The following RBFOX3 variants were observed in gnomAD, a reference collection of about 807,000 sequenced individuals.
The protein encoded by RBFOX3 is RNA binding fox-1 homolog 3.
In RBFOX3, 17 loss-of-function variants were observed where a neutral mutation model predicts 48.7. The ratio of observed to expected loss-of-function variants is 0.35; its 90% CI spans 0.24 to 0.52. The LOEUF (loss-of-function observed/expected upper bound fraction) is 0.52, where lower values mean the gene tolerates loss of function less well. Among genes scored for constraint, RBFOX3 ranks in the 20% least tolerant of loss-of-function variants. The probability of loss-of-function intolerance (pLI) is 0.94; values close to 1 mark genes in which losing one functional copy is unlikely to be tolerated. For synonymous variants in RBFOX3, 212 were observed against 209.5 expected, an observed-to-expected ratio of 1.01 and a Z score of -0.10; for missense variants, 382 against 497.5, an observed-to-expected ratio of 0.77 and a Z score of 2.21.
chr17:79,179,487 A>G (rs912703902), intron 4 of RBFOX3, among the ~76,000 whole-genome samples: 8 of 152,132 alleles, frequency 5.3e-5, no homozygotes, highest in African/African-American at 1.4e-4. Context: ...CGCGTCCCCC[A>G]GGAAGACCCT....
intron 4 of RBFOX3, among the ~76,000 whole-genome samples, chr17:79,167,267 G>C (rs1483339212): frequency 2.0e-5 from 3 of 152,002 alleles, no homozygotes; most frequent in Non-Finnish European, 4.4e-5. Context: ...GGGAGTGCTA[G>C]GCCCCTCTTC....
At chr17:79,544,073 G>C (rs918385179) in intron 1 of RBFOX3, among the ~76,000 whole-genome samples, 1 of 152,202 alleles carries the variant, frequency 6.6e-6, no homozygotes, top group Admixed American at 6.5e-5. Flanking sequence ...CTAAGGAGGA[G>C]GTAAGGCCCA....
At chr17:79,615,070 A>G (rs2093988846), upstream of RBFOX3, among the ~76,000 whole-genome samples, 1 of 152,222 alleles carries the variant, frequency 6.6e-6, no homozygotes, top group Admixed American at 6.5e-5. Flanking sequence ...GAAGAAAAAA[A>G]AAAAATGTTT....
intron 4 of RBFOX3, among the ~76,000 whole-genome samples, chr17:79,184,653 C>T (rs1044989002): frequency 6.6e-6 from 1 of 152,244 alleles, no homozygotes; most frequent in Non-Finnish European, 1.5e-5. Flanking sequence ...TGCCTAACCT[C>T]ACGCCTTCCA....
chr17:79,245,542 C>CCACTCCCG (rs2063041860), intron 3 of RBFOX3, among the ~76,000 whole-genome samples: 1 of 149,176 alleles, frequency 6.7e-6, no homozygotes, highest in African/African-American at 2.6e-5. Flanking sequence ...CCGCTCACCC[C>CCACTCCCG]CTCAGTCCTT....
intron 5 of RBFOX3, 134 bp downstream of exon 5, chr17:79,115,360 C>G (rs2033609539): frequency 2.1e-6 from 1 of 487,588 alleles, no homozygotes; most frequent in Non-Finnish European, 3.3e-6. Flanking sequence ...AAGGCCTGCC[C>G]TCCACACACA....
Position 79,103,214 on chromosome 17 carries a change from T to A in RBFOX3, c.455A>T (p.Asp152Val). 1.3e-6 allele frequency: 2 copies of A among 1,551,270 alleles called. No individual in the cohort carries two copies. Among genetic ancestry groups the A allele is most frequent in the Non-Finnish European group, 1.7e-6 (2 of 1,146,900 alleles). The change falls in exon 8 of 15, where the codon GAC becomes GTC. Residue 152 changes from aspartate (D) to valine (V), a missense_variant. Transcript: ENST00000693108. The surrounding 1 kb of genome is among the most constrained non-coding windows in gnomAD (Gnocchi z 6.1). The part of the protein sequence containing the change: ...FVTFETSSDA[D>V]RAREKLNGTI... ...CCCATTCAGCTTCTCCCGGGCTCGG[T>A]CAGCATCTGAGCTAGTTTCAAAAGT...
chr17:79,314,147 CTTG>C (rs944439996), intron 2 of RBFOX3, among the ~76,000 whole-genome samples: 3 of 152,176 alleles, frequency 2.0e-5, no homozygotes, highest in Admixed American at 1.3e-4. Context: ...ATGGGTCACT[CTTG>C]TTGTTTTTTT....
At chr17:79,603,548 A>G (rs2093758597) in intron 1 of RBFOX3, among the ~76,000 whole-genome samples, 2 of 152,344 alleles carry the variant, frequency 1.3e-5, no homozygotes, top group East Asian at 3.9e-4. Flanking sequence ...GGGTCCCCTC[A>G]GACCCCAACC....
chr17:79,438,098 ACAGGCG>A (rs1555732272), intron 2 of RBFOX3, among the ~76,000 whole-genome samples: 2 of 24,706 alleles, frequency 8.1e-5, no homozygotes, highest in South Asian at 3.5e-3. Flanking sequence ...ACACAGGTGC[ACAGGCG>A]CACACACACA....
chr17:79,268,415 G>GT (rs1286027922), intron 3 of RBFOX3, among the ~76,000 whole-genome samples: 1 of 152,130 alleles, frequency 6.6e-6, no homozygotes, highest in Non-Finnish European at 1.5e-5. Context: ...TGACCACAGA[G>GT]GCCAAGCTCA....
At chr17:79,595,576 G>A (rs1412705843) in intron 1 of RBFOX3, among the ~76,000 whole-genome samples, 6 of 152,190 alleles carry the variant, frequency 3.9e-5, no homozygotes, top group East Asian at 3.9e-4. Context: ...TCTCTTGAAC[G>A]CTTTTAACCA....
At position 79,371,689 on chromosome 17, in the gene RBFOX3, C is replaced by T. The variant is rs149433884; in HGVS notation, c.-174-63865G>A. On this transcript the variant is annotated intron_variant, in intron 2 of 14. Coordinates refer to ENST00000693108, the MANE Select transcript of RBFOX3 (RefSeq NM_001350451.2). ...TCCAGGACACCCCCAGCAGCCCTCA[C>T]GCTCTTTCCTCTTCTCGAAAATGTG... Among the ~76,000 whole-genome samples the T allele has an allele frequency of 2.3e-3, 354 of 152,300 alleles. 3 individuals are homozygous for T. The highest frequency in any genetic ancestry group is 4.3e-3 in the Non-Finnish European group (292 of 68,024).
At chr17:79,469,073 T>C (rs1250109127) in intron 2 of RBFOX3, among the ~76,000 whole-genome samples, 1 of 151,974 alleles carries the variant, frequency 6.6e-6, no homozygotes, top group Non-Finnish European at 1.5e-5. Flanking sequence ...ACTGACAGAC[T>C]GACAGATAGA....
intron 4 of RBFOX3, among the ~76,000 whole-genome samples, chr17:79,138,568 C>T (rs1002834959): frequency 6.6e-6 from 1 of 151,112 alleles, no homozygotes; most frequent in African/African-American, 2.4e-5. Context: ...ACAACCAAAA[C>T]ACACATTACA....
At chr17:79,210,461 C>A (rs545059777) in intron 4 of RBFOX3, among the ~76,000 whole-genome samples, 17 of 152,196 alleles carry the variant, frequency 1.1e-4, no homozygotes, top group Non-Finnish European at 2.5e-4. Flanking sequence ...CTCACGGCCG[C>A]ACAATATCCC....
At chr17:79,455,261 G>A (rs1163035930) in intron 2 of RBFOX3, among the ~76,000 whole-genome samples, 3 of 152,226 alleles carry the variant, frequency 2.0e-5, no homozygotes, top group Non-Finnish European at 4.4e-5. Context: ...AGGCTACCGT[G>A]ACGGGGGAGC....
intron 2 of RBFOX3, among the ~76,000 whole-genome samples, chr17:79,434,706 T>C (rs2069076721): frequency 6.6e-6 from 1 of 152,200 alleles, no homozygotes; most frequent in East Asian, 1.9e-4. Flanking sequence ...CAGACAATTG[T>C]GCATTGTACT....
At chr17:79,334,839 TGCCTGTGCCTGGC>T (rs1159006675) in intron 2 of RBFOX3, among the ~76,000 whole-genome samples, 2 of 152,246 alleles carry the variant, frequency 1.3e-5, no homozygotes, top group African/African-American at 4.8e-5. Flanking sequence ...CTGTGCCTGT[TGCCTGTGCCTGGC>T]ACGTAGCAAG....
Sources: allele counts gnomAD v4.1 joint callset (sites outside exome capture counted in the v4.1 genomes callset), GRCh38; gene constraint gnomAD v4.1.1; non-coding constraint Gnocchi (gnomAD v3.1); transcripts MANE v1.5; gene names NCBI Gene and HGNC (gene_info 2026-07-23, HGNC 2026-07-21).